PALLD: variants seen among roughly 807,000 people sequenced by gnomAD.
The protein encoded by PALLD is palladin, cytoskeletal associated protein, also known as palladin.
In PALLD, 61 loss-of-function variants were observed where a neutral mutation model predicts 123.5. The ratio of observed to expected loss-of-function variants is 0.49; its 90% CI spans 0.40 to 0.61. The LOEUF (loss-of-function observed/expected upper bound fraction) is 0.61. Among genes scored for constraint, PALLD ranks in the 20% least tolerant of loss-of-function variants. The probability of loss-of-function intolerance (pLI) is 0.00; values close to 1 mark genes in which losing one functional copy is unlikely to be tolerated. For synonymous variants in PALLD, 465 were observed against 496.4 expected (o/e 0.94, Z 0.84); for missense variants, 1,273 against 1,377.0 (o/e 0.92, Z 1.20).
At chr4:168,876,019 C>T (rs1196144969) in intron 10 of PALLD, among the ~76,000 whole-genome samples, 1 of 152,190 alleles carries the variant, frequency 6.6e-6, no homozygotes, top group African/African-American at 2.4e-5. Context: ...ATTGTGAGCC[C>T]AGGTGGGGAC....
intron 10 of PALLD, among the ~76,000 whole-genome samples, chr4:168,766,909 G>A (rs760828788): frequency 7.2e-5 from 11 of 152,168 alleles, no homozygotes; most frequent in Admixed American, 2.0e-4. Context: ...TCTCATTGGT[G>A]TGGCAGCTCA....
At chr4:168,826,246 A>T (rs1743404497) in intron 10 of PALLD, among the ~76,000 whole-genome samples, 1 of 152,192 alleles carries the variant, frequency 6.6e-6, no homozygotes, top group Non-Finnish European at 1.5e-5. Context: ...AGCTGCCTTA[A>T]CTATTTCAGA....
intron 2 of PALLD, among the ~76,000 whole-genome samples, chr4:168,567,849 C>T (rs7435372): frequency 0.42 from 63,050 of 151,264 alleles, 13,402 homozygotes; most frequent in East Asian, 0.63. Flanking sequence ...GTACAATGTA[C>T]GCTATTTGGG....
chr4:168,650,497 GC>G (rs1212421904), intron 2 of PALLD, among the ~76,000 whole-genome samples: 1 of 152,096 alleles, frequency 6.6e-6, no homozygotes, highest in Non-Finnish European at 1.5e-5. Context: ...GGACATTTAG[GC>G]CAAGTTTTCC....
Position 168,927,937 on chromosome 4 carries a change from T to G in PALLD, c.*1757T>G, listed in dbSNP as rs886059214. 1.0e-5 allele frequency: 2 copies of G among 199,898 alleles called. No individual in the cohort carries two copies. The highest frequency in any genetic ancestry group is 2.1e-5 in the Non-Finnish European group (2 of 96,720). 12.4% of individuals were successfully genotyped at this position (199,898 alleles called of 1,614,324 possible). A position where few individuals can be genotyped will look rare whatever the true frequency, so the allele number is the denominator to read the frequency against. ...TTTCATTATTTATAAGTGGCCTCTC[T>G]TAGCTCAGTTACTCAATTCATACGT... On this transcript the variant is annotated 3_prime_UTR_variant, in exon 22 of 22. Coordinates refer to ENST00000505667, the MANE Select transcript of PALLD (RefSeq NM_001166108.2).
intron 10 of PALLD, among the ~76,000 whole-genome samples, chr4:168,846,600 G>T (rs1746887638): frequency 6.6e-6 from 1 of 152,218 alleles, no homozygotes; most frequent in African/African-American, 2.4e-5. Flanking sequence ...CAGCCTGCAT[G>T]TCATGGTAGT....
intron 10 of PALLD, among the ~76,000 whole-genome samples, chr4:168,780,775 C>A (rs1293097300): frequency 6.6e-6 from 1 of 152,186 alleles, no homozygotes; most frequent in Non-Finnish European, 1.5e-5. Flanking sequence ...GCAGCCTCTG[C>A]CTCCCAGGTT....
At chr4:168,849,867 C>G (rs1747487652) in intron 10 of PALLD, among the ~76,000 whole-genome samples, 1 of 152,258 alleles carries the variant, frequency 6.6e-6, no homozygotes, top group African/African-American at 2.4e-5. Flanking sequence ...TGGCCCCCAG[C>G]TTATCTTCCC....
Position 168,629,482 on chromosome 4 carries a change from T to C in PALLD, c.909-38708T>C, listed in dbSNP as rs1218901314. Among the ~76,000 whole-genome samples the C allele has an allele frequency of 3.3e-5, 5 of 152,176 alleles. No homozygotes were observed. The East Asian group carries it at 9.6e-4, about 29-fold the overall frequency. ...GAAAGGAGACTGTGGTGCATGTACT[T>C]TTATATAAATTATGTAAATGTATTA... On this transcript the variant is annotated intron_variant, in intron 2 of 21. Coordinates refer to ENST00000505667, the MANE Select transcript of PALLD (RefSeq NM_001166108.2).
intron 2 of PALLD, among the ~76,000 whole-genome samples, chr4:168,625,391 TTAAA>T (rs1266527268): frequency 2.1e-5 from 3 of 146,196 alleles, no homozygotes; most frequent in Admixed American, 7.0e-5. Context: ...TATATCAAAC[TTAAA>T]AACTTCTGTG....
intron 10 of PALLD, among the ~76,000 whole-genome samples, chr4:168,815,141 A>T (rs932500028): frequency 6.6e-6 from 1 of 152,254 alleles, no homozygotes; most frequent in African/African-American, 2.4e-5. Context: ...AAATGTAAAC[A>T]TTTTAAAATT....
intron 10 of PALLD, among the ~76,000 whole-genome samples, chr4:168,754,404 G>A (rs1032417544): frequency 7.2e-5 from 11 of 152,162 alleles, no homozygotes; most frequent in African/African-American, 2.4e-4. Context: ...ATTCAAATGA[G>A]CTGATGTGGA....
chr4:168,705,959 G>A (rs1784187859), intron 8 of PALLD, among the ~76,000 whole-genome samples: 1 of 152,110 alleles, frequency 6.6e-6, no homozygotes, highest in African/African-American at 2.4e-5. Flanking sequence ...TACCATAAAT[G>A]GATGAATACT....
intron 2 of PALLD, among the ~76,000 whole-genome samples, chr4:168,629,495 T>C (rs1281294285): frequency 6.6e-6 from 1 of 152,170 alleles, no homozygotes; most frequent in African/African-American, 2.4e-5. Context: ...ATATAAATTA[T>C]GTAAATGTAT....
At chr4:168,676,320 C>G (rs1056591818) in intron 3 of PALLD, among the ~76,000 whole-genome samples, 2 of 151,774 alleles carry the variant, frequency 1.3e-5, no homozygotes, top group Non-Finnish European at 2.9e-5. Flanking sequence ...TTACTCTGAT[C>G]TGTAAATGAT....
At position 168,805,727 on chromosome 4, in the gene PALLD, T is replaced by C. The variant is rs185326349; in HGVS notation, c.1965-85195T>C. ...GGTAATTGCTTTGGCCTTACCTGTT[T>C]TACCTCCTGGTAAGTTACAGCACTT... On this transcript the variant is annotated intron_variant, in intron 10 of 21. Transcript: ENST00000505667. Among the ~76,000 whole-genome samples the C allele has an allele frequency of 8.5e-5, 13 of 152,296 alleles. No individual in the cohort carries two copies. The East Asian group carries it at 2.5e-3, about 29-fold the overall frequency.
chr4:168,765,620 C>T (rs1183734471), intron 10 of PALLD, among the ~76,000 whole-genome samples: 1 of 152,210 alleles, frequency 6.6e-6, no homozygotes, highest in Admixed American at 6.5e-5. Context: ...TATAAGCTAA[C>T]TTACTGTTTG....
At chr4:168,831,573 A>G (rs113785262) in intron 10 of PALLD, among the ~76,000 whole-genome samples, 3,739 of 152,242 alleles carry the variant, frequency 0.025, 154 homozygotes, top group African/African-American at 0.085. Context: ...TTTACACTGT[A>G]TGTGCTTTCC....
At chr4:168,606,621 C>T (rs1773200745) in intron 2 of PALLD, among the ~76,000 whole-genome samples, 1 of 150,158 alleles carries the variant, frequency 6.7e-6, no homozygotes, top group Non-Finnish European at 1.5e-5. Context: ...TTGCAGTGAG[C>T]CCACTGCACT....
Sources: allele counts gnomAD v4.1 joint callset (sites outside exome capture counted in the v4.1 genomes callset), GRCh38; gene constraint gnomAD v4.1.1; transcripts MANE v1.5; gene names NCBI Gene and HGNC (gene_info 2026-07-23, HGNC 2026-07-21).